The following KALRN variants were observed in gnomAD, a reference collection of about 807,000 sequenced individuals.
The protein encoded by KALRN is kalirin RhoGEF kinase, also known as kalirin.
A neutral mutation model predicts 353.7 loss-of-function variants in KALRN; 70 were observed. The observed-to-expected ratio is 0.20, with a 90% CI of 0.16 to 0.24. KALRN has a LOEUF of 0.24. KALRN is among the 10% of genes least tolerant of loss of function. The pLI is 1.00. For synonymous variants in KALRN, 1,391 were observed against 1,434.8 expected, an observed-to-expected ratio of 0.97 and a Z score of 0.69; for missense variants, 2,791 against 3,756.7, an observed-to-expected ratio of 0.74 and a Z score of 6.72.
rs953692904 is a variant in KALRN at position 124,412,212 on chromosome 3, G to A, written c.2347-1258G>A. 4.6e-5 allele frequency among the ~76,000 whole-genome samples: 7 copies of A among 152,222 alleles called. No individual in the cohort carries two copies. The East Asian group carries it at 5.8e-4, about 13-fold the overall frequency. On this transcript the variant is annotated intron_variant, in intron 13 of 59. Coordinates refer to ENST00000682506, the MANE Select transcript of KALRN (RefSeq NM_001388419.1). ...CCGCTCCCACTTGCTTCAATCCATC[G>A]TCTGTCTCCCTGTGTCCCTGATGCT...
At chr3:124,206,752 C>T (rs1579378093) in intron 1 of KALRN, among the ~76,000 whole-genome samples, 1 of 152,192 alleles carries the variant, frequency 6.6e-6, no homozygotes, top group East Asian at 1.9e-4. Context: ...TTTTAGTCAA[C>T]ACTTGAAATT....
At chr3:124,102,197 T>A (rs893179544) in intron 1 of KALRN, among the ~76,000 whole-genome samples, 12 of 152,308 alleles carry the variant, frequency 7.9e-5, no homozygotes, top group Middle Eastern at 3.4e-3. Context: ...AATTGGCTTT[T>A]GGCACAAGAT....
chr3:124,334,191 A>G lies in KALRN; in HGVS notation c.1417-74A>G. The stretch of plus-strand genomic sequence containing the variant: ...AAGGCCTAGTCAGGGACCCTCAGGC[A>G]GACACTTCCTGCTTCTCTCTGTGCC... On this transcript the variant is annotated intron_variant, in intron 8 of 59. Transcript: ENST00000682506. The surrounding 1 kb of genome is among the most constrained non-coding windows in gnomAD (Gnocchi z 4.2). The G allele has an allele frequency of 7.7e-7, 1 of 1,294,578 alleles. No homozygotes were observed. The highest frequency in any genetic ancestry group is 1.1e-6 in the Non-Finnish European group (1 of 896,648). The allele number at this position is 1,294,578 out of a possible 1,614,324, so 80.2% of individuals were successfully genotyped here.
At chr3:124,506,256 G>C (rs2065211103) in intron 33 of KALRN, among the ~76,000 whole-genome samples, 1 of 152,100 alleles carries the variant, frequency 6.6e-6, no homozygotes, top group African/African-American at 2.4e-5. Context: ...ATCAGACCAG[G>C]ACAGATGTCC....
At chr3:124,670,887 C>T (rs1354332503) in intron 47 of KALRN, among the ~76,000 whole-genome samples, 4 of 152,154 alleles carry the variant, frequency 2.6e-5, no homozygotes, top group South Asian at 2.1e-4. Context: ...TGCCATCCTC[C>T]GAGTCTCCAA....
intron 33 of KALRN, among the ~76,000 whole-genome samples, chr3:124,524,466 G>A (rs2067418564): frequency 6.6e-6 from 1 of 152,212 alleles, no homozygotes; most frequent in Non-Finnish European, 1.5e-5. Flanking sequence ...AAGCTTGGAT[G>A]ACTAGAAGTT....
chr3:124,085,900 G>A (rs2060792816), intron 1 of KALRN, among the ~76,000 whole-genome samples: 1 of 152,140 alleles, frequency 6.6e-6, no homozygotes, highest in Non-Finnish European at 1.5e-5. Context: ...TTGATAGTGT[G>A]TATGTATATA....
rs769717095 is a variant in KALRN at position 124,455,254 on chromosome 3, G to A, written c.3630G>A (p.Glu1210=). 3 of 1,614,188 alleles carry A rather than the reference G, an allele frequency of 1.9e-6. No homozygotes were observed. The highest frequency in any genetic ancestry group is 2.5e-6 in the Non-Finnish European group (3 of 1,180,012). ...AAAAAGGCCACATTCATGCCACGGAGATAAGGAAATGGGTGACCACGGTGG... is the reference window on the plus strand; with the variant it reads ...AAAAAGGCCACATTCATGCCACGGAAATAAGGAAATGGGTGACCACGGTGG... The part of the protein sequence containing the change: ...FVEKGHIHAT[E]IRKWVTTVDK... The change falls in exon 22 of 60, where the codon GAG becomes GAA. Residue 1210 remains glutamate (E), a synonymous_variant. Coordinates refer to ENST00000682506, the MANE Select transcript of KALRN (RefSeq NM_001388419.1).
chr3:124,461,921 A>G lies in KALRN; in HGVS notation c.3886A>G (p.Lys1296Glu). The G allele has an allele frequency of 1.2e-6, 2 of 1,613,498 alleles. No homozygotes were observed. The highest frequency in any genetic ancestry group is 1.7e-6 in the Non-Finnish European group (2 of 1,179,478). The change falls in exon 24 of 60, where the codon AAG becomes GAG. Residue 1296 changes from lysine (K) to glutamate (E), a missense_variant. Lys to Glu is a moderately conservative substitution (Grantham distance 56). Coordinates refer to ENST00000682506, the MANE Select transcript of KALRN (RefSeq NM_001388419.1). ...TATGGCTGAACTACTCCAGACAGAG[A>G]AGGCTTATGTAAGGGATTTGCATGA... ...FIMAELLQTEKAYVRDLHECL... is the reference protein window; with the variant it reads ...FIMAELLQTEEAYVRDLHECL...
At chr3:124,575,706 T>C (rs2074022836) in intron 34 of KALRN, among the ~76,000 whole-genome samples, 1 of 152,124 alleles carries the variant, frequency 6.6e-6, no homozygotes, top group African/African-American at 2.4e-5. Flanking sequence ...CCACACTTTC[T>C]CCATCTTCAA....
intron 34 of KALRN, among the ~76,000 whole-genome samples, chr3:124,594,202 T>C (rs975801547): frequency 1.3e-5 from 2 of 152,244 alleles, no homozygotes; most frequent in African/African-American, 4.8e-5. Context: ...TTTAATCTTC[T>C]GAACATCTTT....
At chr3:124,538,780 T>C (rs1423912459) in intron 33 of KALRN, among the ~76,000 whole-genome samples, 3 of 152,216 alleles carry the variant, frequency 2.0e-5, no homozygotes, top group Non-Finnish European at 4.4e-5. Flanking sequence ...TCTTGGCATC[T>C]CCACCTTGTA....
In KALRN at chr3:124,658,484, G is replaced by A. The variant is rs1470543059; in HGVS notation, c.6090G>A (p.Glu2030=). Residue 2030 remains glutamate (E), a synonymous_variant, in exon 42 of 60, where the codon GAG becomes GAA. Transcript: ENST00000682506. ...ATTGTCAGAATAAGCCGCGCTCAGA[G>A]TACATCGTTGCTGAGTATGACGCCT... ...VWYCQNKPRS[E]YIVAEYDAYF... 4.3e-6 allele frequency: 7 copies of A among 1,613,968 alleles called. No individual in the cohort carries two copies. The highest frequency in any genetic ancestry group is 3.3e-5 in the Admixed American group (2 of 60,006).
chr3:124,241,299 G>A (rs1024091979), intron 3 of KALRN, among the ~76,000 whole-genome samples: 7 of 152,174 alleles, frequency 4.6e-5, no homozygotes, highest in Admixed American at 1.3e-4. Context: ...TGTACATTGT[G>A]TAGTTTTCTG....
Position 124,386,831 on chromosome 3 carries a change from A to G in KALRN, c.1962+1795A>G, listed in dbSNP as rs570673270. Among the ~76,000 whole-genome samples, 77 of 152,280 alleles carry G rather than the reference A, an allele frequency of 5.1e-4. No individual in the cohort carries two copies. In the South Asian group the frequency reaches 0.016, roughly 31 times the overall value. On this transcript the variant is annotated intron_variant, in intron 11 of 59. Coordinates refer to ENST00000682506, the MANE Select transcript of KALRN (RefSeq NM_001388419.1). ...TATATTACATGAGTTTTTTAAATGGACACCTATTACTTGCCAGACACATAT... is the reference window on the plus strand; with the variant it reads ...TATATTACATGAGTTTTTTAAATGGGCACCTATTACTTGCCAGACACATAT...
intron 8 of KALRN, among the ~76,000 whole-genome samples, chr3:124,332,365 T>C (rs1281123534): frequency 6.6e-6 from 1 of 152,002 alleles, no homozygotes; most frequent in East Asian, 1.9e-4. Flanking sequence ...GGTGTGGAGA[T>C]GGAAGCACAC....
At chr3:124,184,504 G>A (rs530881460) in intron 1 of KALRN, among the ~76,000 whole-genome samples, 1 of 152,182 alleles carries the variant, frequency 6.6e-6, no homozygotes, top group African/African-American at 2.4e-5. Flanking sequence ...CTGTGTTCTA[G>A]CCCTGCAAGA....
At chr3:124,318,230 G>A (rs114752958) in intron 6 of KALRN, among the ~76,000 whole-genome samples, 2,665 of 152,242 alleles carry the variant, frequency 0.018, 96 homozygotes, top group African/African-American at 0.061. Context: ...TCTCCATCCG[G>A]CAGTGACAGA....
intron 14 of KALRN, among the ~76,000 whole-genome samples, chr3:124,415,771 T>TTGC (rs2092461882): frequency 6.6e-6 from 1 of 152,202 alleles, no homozygotes; most frequent in Non-Finnish European, 1.5e-5. Flanking sequence ...ACCCAACATG[T>TTGC]TGCTACTCAG....
Sources: gnomAD v4.1 joint callset for allele counts (sites outside exome capture counted in the v4.1 genomes callset) on GRCh38, gnomAD v4.1.1 for gene constraint, Gnocchi (gnomAD v3.1) non-coding constraint, MANE v1.5 for transcripts, NCBI Gene and HGNC (gene_info 2026-07-23, HGNC 2026-07-21) for gene names.